POU6F2: variants seen among roughly 807,000 people sequenced by gnomAD.
POU6F2 encodes POU domain, class 6, transcription factor 2.
POU6F2 carries 31 observed loss-of-function variants against 71.3 expected under a neutral mutation model. The observed-to-expected ratio is 0.43, with a 90% confidence interval of 0.33 to 0.59. The LOEUF (loss-of-function observed/expected upper bound fraction) is 0.59. POU6F2 is among the 20% of genes least tolerant of loss of function. The probability of loss-of-function intolerance (pLI) is 0.04; values close to 1 mark genes in which losing one functional copy is unlikely to be tolerated. For missense variants in POU6F2, 783 were observed against 856.8 expected, an observed-to-expected ratio of 0.91 and a Z score of 1.07; for synonymous variants, 347 against 355.7, an observed-to-expected ratio of 0.98 and a Z score of 0.27.
chr7:39,274,019 AAACT>A (rs1355621543), intron 4 of POU6F2, among the ~76,000 whole-genome samples: 2 of 152,220 alleles, frequency 1.3e-5, no homozygotes, highest in African/African-American at 2.4e-5. Flanking sequence ...TATATAATGT[AAACT>A]AACAGTTGTA....
At chr7:39,228,160 A>G (rs1209459751) in intron 4 of POU6F2, among the ~76,000 whole-genome samples, 1 of 152,182 alleles carries the variant, frequency 6.6e-6, no homozygotes, top group Non-Finnish European at 1.5e-5. Context: ...AGAATTATGC[A>G]TTATTTATTT....
chr7:39,216,991 A>G (rs1472982462), intron 4 of POU6F2, among the ~76,000 whole-genome samples: 1 of 152,194 alleles, frequency 6.6e-6, no homozygotes, highest in Non-Finnish European at 1.5e-5. Context: ...ACTGTATATA[A>G]CAAAGTATTA....
chr7:39,161,753 G>A (rs755504640), intron 2 of POU6F2, among the ~76,000 whole-genome samples: 6 of 152,080 alleles, frequency 3.9e-5, no homozygotes, highest in Admixed American at 1.3e-4. Flanking sequence ...AAGAACATCC[G>A]GAGACAGAAT....
intron 4 of POU6F2, among the ~76,000 whole-genome samples, chr7:39,303,368 C>T (rs536302663): frequency 1.3e-5 from 2 of 152,144 alleles, no homozygotes; most frequent in Admixed American, 6.5e-5. Context: ...AGGATGGTCT[C>T]AATCTCCTGA....
intron 1 of POU6F2, among the ~76,000 whole-genome samples, chr7:39,069,059 T>TC (rs1463467274): frequency 3.3e-5 from 5 of 152,092 alleles, no homozygotes; most frequent in Non-Finnish European, 7.4e-5. Context: ...GTACAGAATA[T>TC]AGAACCTCTG....
Position 39,353,852 on chromosome 7 carries a change from G to A in POU6F2, c.972+13837G>A, listed in dbSNP as rs528107040. ...TATCTTAATTAGATCTGAAAGACCT[G>A]CCACAGCAGAATAGTCACACCGATT... On this transcript the variant is annotated intron_variant, in intron 5 of 9. Transcript: ENST00000518318. Among the ~76,000 whole-genome samples the A allele has an allele frequency of 3.0e-4, 45 of 152,314 alleles. 1 individual carries two copies. The South Asian group carries it at 8.9e-3, about 30-fold the overall frequency.
At chr7:39,363,009 G>C (rs117663987) in intron 5 of POU6F2, among the ~76,000 whole-genome samples, 20 of 152,274 alleles carry the variant, frequency 1.3e-4, no homozygotes, top group Non-Finnish European at 2.5e-4. Flanking sequence ...GCAGGCCACT[G>C]TAAGAACTGT....
intron 5 of POU6F2, among the ~76,000 whole-genome samples, chr7:39,380,070 A>T (rs191652407): frequency 3.3e-5 from 5 of 152,378 alleles, no homozygotes; most frequent in Admixed American, 3.3e-4. Context: ...GAAGAAATAT[A>T]GATAACTCAG....
chr7:39,136,816 A>T (rs1792397405), intron 2 of POU6F2, among the ~76,000 whole-genome samples: 1 of 151,480 alleles, frequency 6.6e-6, no homozygotes, highest in Non-Finnish European at 1.5e-5. Context: ...CAACATAGCA[A>T]GATCCCATCT....
intron 4 of POU6F2, among the ~76,000 whole-genome samples, chr7:39,213,737 G>A (rs1283152403): frequency 6.6e-6 from 1 of 152,182 alleles, no homozygotes; most frequent in Non-Finnish European, 1.5e-5. Context: ...TAATTTCCAA[G>A]CAGTGTTTCA....
intron 4 of POU6F2, among the ~76,000 whole-genome samples, chr7:39,327,903 ATTG>A (rs1214069536): frequency 2.7e-5 from 4 of 150,378 alleles, no homozygotes; most frequent in Non-Finnish European, 5.9e-5. Flanking sequence ...TTTGGTCAGT[ATTG>A]GATAGAAAAT....
At chr7:39,166,528 G>A (rs1793119300) in intron 2 of POU6F2, among the ~76,000 whole-genome samples, 1 of 152,110 alleles carries the variant, frequency 6.6e-6, no homozygotes, top group Admixed American at 6.5e-5. Context: ...TTAGGAAGAG[G>A]TACAATGGGC....
At chr7:39,136,335 A>T (rs1026372048) in intron 2 of POU6F2, among the ~76,000 whole-genome samples, 3 of 152,258 alleles carry the variant, frequency 2.0e-5, no homozygotes, top group African/African-American at 7.2e-5. Flanking sequence ...ACCAAAATGT[A>T]TTGTGGTGCT....
chr7:39,098,043 G>T (rs552625168), intron 2 of POU6F2, among the ~76,000 whole-genome samples: 1 of 152,298 alleles, frequency 6.6e-6, no homozygotes, highest in East Asian at 1.9e-4. Flanking sequence ...AGGGTTTGGT[G>T]CATATGCCGT....
intron 2 of POU6F2, among the ~76,000 whole-genome samples, chr7:39,105,996 T>A (rs1427692709): frequency 6.6e-6 from 1 of 152,142 alleles, no homozygotes; most frequent in Non-Finnish European, 1.5e-5. Context: ...GTAACCACTC[T>A]CTGTAGATCA....
chr7:39,221,384 CTTTTTTTTT>C (rs33915153), intron 4 of POU6F2, among the ~76,000 whole-genome samples: 3 of 86,350 alleles, frequency 3.5e-5, no homozygotes, highest in East Asian at 4.1e-4. Context: ...CTCTCTCTCT[CTTTTTTTTT>C]TTTTTTTTTT....
chr7:39,116,939 G>A (rs1477983637), intron 2 of POU6F2, among the ~76,000 whole-genome samples: 1 of 152,106 alleles, frequency 6.6e-6, no homozygotes. Flanking sequence ...GGAAGTTCAG[G>A]GGTATATTAG....
intron 5 of POU6F2, among the ~76,000 whole-genome samples, chr7:39,397,814 GTATATA>G (rs150006644): frequency 4.7e-5 from 6 of 128,448 alleles, no homozygotes; most frequent in African/African-American, 9.8e-5. Flanking sequence ...TATATTTTGT[GTATATA>G]TATATATATA....
At chr7:39,276,055 A>T (rs1784432309) in intron 4 of POU6F2, among the ~76,000 whole-genome samples, 1 of 152,320 alleles carries the variant, frequency 6.6e-6, no homozygotes, top group Non-Finnish European at 1.5e-5. Context: ...GACAAATGGG[A>T]TCTAATTAAA....
Sources: allele counts gnomAD v4.1 joint callset (sites outside exome capture counted in the v4.1 genomes callset), GRCh38; gene constraint gnomAD v4.1.1; transcripts MANE v1.5; gene names NCBI Gene and HGNC (gene_info 2026-07-23, HGNC 2026-07-21).